Variants in SMCHD1 observed in about 807,000 individuals in gnomAD.
SMCHD1 encodes structural maintenance of chromosomes flexible hinge domain-containing protein 1.
In SMCHD1, 78 loss-of-function variants were observed where a neutral mutation model predicts 254.7. The observed-to-expected ratio is 0.31, with a 90% CI of 0.26 to 0.37. The LOEUF (loss-of-function observed/expected upper bound fraction) is 0.37. Among genes scored for constraint, SMCHD1 ranks in the 10% least tolerant of loss-of-function variants. The probability of loss-of-function intolerance (pLI) is 1.00; values close to 1 mark genes in which losing one functional copy is unlikely to be tolerated. For missense variants in SMCHD1, 1,840 were observed against 2,408.1 expected (o/e 0.76, Z 4.94); for synonymous variants, 766 against 794.9 (o/e 0.96, Z 0.61).
Position 2,739,421 on chromosome 18 carries a change from A to T in SMCHD1, c.3426-11A>T. ...GTCACTAAAGACTTCTAACTTGTTA[A>T]ACAATTTCAGACCACTTCCTGATGA... On this transcript the variant is annotated splice_polypyrimidine_tract_variant and intron_variant, in intron 26 of 47. Transcript: ENST00000320876. The T allele has an allele frequency of 6.2e-7, 1 of 1,610,686 alleles. No homozygotes were observed. The highest frequency in any genetic ancestry group is 2.2e-5 in the East Asian group (1 of 44,748).
Position 2,784,602 on chromosome 18 carries a change from G to A in SMCHD1, c.5700G>A (p.Leu1900=). 8 of 1,591,094 alleles carry A rather than the reference G, an allele frequency of 5.0e-6. No homozygotes were observed. The highest frequency in any genetic ancestry group is 6.8e-6 in the Non-Finnish European group (8 of 1,172,484). Residue 1900 remains leucine, a synonymous_variant, in exon 45 of 48, where the codon CTG becomes CTA. Transcript: ENST00000320876. ...VFGAPVPKQC[L]ILGEQIDLLQ... Reference sequence around the variant, plus strand: ...GAGCTCCAGTTCCAAAACAGTGTCTGATCTTAGGGGAACAAATAGGTAAGT... The same window carrying A: ...GAGCTCCAGTTCCAAAACAGTGTCTAATCTTAGGGGAACAAATAGGTAAGT...
intron 4 of SMCHD1, 143 bp downstream of exon 4, chr18:2,673,506 T>C: frequency 1.5e-6 from 1 of 685,416 alleles, no homozygotes; most frequent in South Asian, 3.0e-5. Context: ...TAAAATTTTT[T>C]CACGTTTTTT....
At chr18:2,757,411 C>A (rs964269551) in intron 34 of SMCHD1, among the ~76,000 whole-genome samples, 1 of 151,930 alleles carries the variant, frequency 6.6e-6, no homozygotes, top group African/African-American at 2.4e-5. Flanking sequence ...ATCAGGGCCT[C>A]ACTGTGTTGC....
At position 2,795,962 on chromosome 18, in the gene SMCHD1, G is replaced by A; in HGVS notation, c.5733G>A (p.Gln1911=). 6.3e-7 allele frequency: 1 copy of A among 1,589,724 alleles called. No homozygotes were observed. Residue 1911 remains glutamine (Q), a synonymous_variant, in exon 46 of 48, where the codon CAG becomes CAA. Transcript: ENST00000320876. ...GTTTCTTTACAGATCTTCTTCAGCA[G>A]TATCGTTCTGCTGTGTGCAAACTAG... ...ILGEQIDLLQ[Q]YRSAVCKLDS...
chr18:2,725,077 G>A, intron 21 of SMCHD1, 82 bp downstream of exon 21: 3 of 836,164 alleles, frequency 3.6e-6, no homozygotes, highest in Non-Finnish European at 1.7e-6. Flanking sequence ...AATGAAAAGT[G>A]GAATGACCTA....
chr18:2,673,243 A>G, intron 3 of SMCHD1, 38 bp from the exon 4 acceptor site: 1 of 1,545,968 alleles, frequency 6.5e-7, no homozygotes, highest in Non-Finnish European at 8.8e-7. Flanking sequence ...AGTATGTGGG[A>G]GGGAAAAGTT....
chr18:2,733,755 A>G (rs1040103557), intron 25 of SMCHD1, among the ~76,000 whole-genome samples: 2 of 152,224 alleles, frequency 1.3e-5, no homozygotes, highest in African/African-American at 4.8e-5. Context: ...ACAAATTTAC[A>G]TTTTCAAAGT....
chr18:2,692,925 A>G (rs958813770), intron 7 of SMCHD1, among the ~76,000 whole-genome samples: 1 of 152,238 alleles, frequency 6.6e-6, no homozygotes, highest in African/African-American at 2.4e-5. Flanking sequence ...AAATATTTGG[A>G]TAATGAATTT....
At chr18:2,711,561 C>G (rs1344639133) in intron 17 of SMCHD1, among the ~76,000 whole-genome samples, 1 of 144,288 alleles carries the variant, frequency 6.9e-6, no homozygotes, top group East Asian at 2.0e-4. Flanking sequence ...CGGCTCACTG[C>G]AAGCTCCGCC....
chr18:2,795,039 G>T (rs34181738), intron 45 of SMCHD1, among the ~76,000 whole-genome samples: 461 of 148,548 alleles, frequency 3.1e-3, no homozygotes, highest in East Asian at 0.011. Flanking sequence ...AAAATTCTGG[G>T]TTTTTTTTTT....
chr18:2,678,835 TTTTG>T (rs796423356), intron 5 of SMCHD1, among the ~76,000 whole-genome samples: 1 of 35,016 alleles, frequency 2.9e-5, no homozygotes, highest in African/African-American at 3.8e-5. Context: ...TTTTTTTTTT[TTTTG>T]TTTGTTTGTT....
intron 33 of SMCHD1, among the ~76,000 whole-genome samples, 165 bp downstream of exon 33, chr18:2,751,558 A>G (rs1185662924): frequency 6.6e-6 from 1 of 152,172 alleles, no homozygotes; most frequent in Non-Finnish European, 1.5e-5. Context: ...GTATGTTTCA[A>G]AATTAAAGAT....
intron 20 of SMCHD1, among the ~76,000 whole-genome samples, chr18:2,724,005 C>T (rs1384924373): frequency 5.3e-5 from 8 of 151,478 alleles, no homozygotes; most frequent in East Asian, 3.9e-4. Context: ...GCTTCCTTTC[C>T]GTTTTTTCTT....
At chr18:2,746,689 G>C (rs1337051774) in intron 29 of SMCHD1, among the ~76,000 whole-genome samples, 3 of 152,196 alleles carry the variant, frequency 2.0e-5, no homozygotes, top group Non-Finnish European at 4.4e-5. Context: ...AGAGTAGGGG[G>C]TAGAAGCAGC....
intron 17 of SMCHD1, 77 bp downstream of exon 17, chr18:2,707,997 A>T (rs1006297960): frequency 1.9e-5 from 17 of 893,760 alleles, no homozygotes; most frequent in Non-Finnish European, 2.6e-5. Context: ...TCATGTAATT[A>T]TTGATGACCT....
chr18:2,792,592 T>C (rs1026931215), intron 45 of SMCHD1, among the ~76,000 whole-genome samples: 1 of 152,342 alleles, frequency 6.6e-6, no homozygotes, highest in East Asian at 1.9e-4. Flanking sequence ...CTGTAATACA[T>C]AGTTTGTAAT....
intron 5 of SMCHD1, among the ~76,000 whole-genome samples, chr18:2,676,776 A>C (rs2073760051): frequency 6.6e-6 from 1 of 152,034 alleles, no homozygotes; most frequent in Admixed American, 6.5e-5. Flanking sequence ...CTACACACTT[A>C]CACACACACA....
intron 29 of SMCHD1, among the ~76,000 whole-genome samples, chr18:2,747,031 G>A (rs2143592282): frequency 6.6e-6 from 1 of 152,318 alleles, no homozygotes; most frequent in East Asian, 1.9e-4. Context: ...CAATAGCAGA[G>A]AGCTGAACAC....
intron 35 of SMCHD1, among the ~76,000 whole-genome samples, chr18:2,761,879 T>G (rs1418616137): frequency 6.6e-6 from 1 of 152,218 alleles, no homozygotes; most frequent in Non-Finnish European, 1.5e-5. Context: ...TTAATACCTC[T>G]AAGTTTGTTC....
Sources: allele counts gnomAD v4.1 joint callset (sites outside exome capture counted in the v4.1 genomes callset), GRCh38; gene constraint gnomAD v4.1.1; transcripts MANE v1.5; gene names NCBI Gene and HGNC (gene_info 2026-07-23, HGNC 2026-07-21).